The following NECAB2 variants were observed in gnomAD, a reference collection of about 807,000 sequenced individuals.
NECAB2 encodes the protein N-terminal EF-hand calcium-binding protein 2.
Under a neutral mutation model 51.9 loss-of-function variants are expected in NECAB2, and 68 were observed. The observed-to-expected ratio is 1.31, with a 90% CI of 1.08 to 1.60. The LOEUF (loss-of-function observed/expected upper bound fraction) is 1.60, where lower values mean the gene tolerates loss of function less well. Among genes scored for constraint, NECAB2 ranks in the 40% most tolerant of loss-of-function variants. The pLI is 0.00. For missense variants in NECAB2, 854 were observed against 490.3 expected, an observed-to-expected ratio of 1.74 and a Z score of -7.00; for synonymous variants, 329 against 203.5, an observed-to-expected ratio of 1.62 and a Z score of -5.25.
intron 5 of NECAB2, among the ~76,000 whole-genome samples, chr16:83,987,069 G>C (rs960785341): frequency 2.6e-5 from 4 of 152,088 alleles, no homozygotes; most frequent in African/African-American, 9.7e-5. Context: ...TCTGTCCTTG[G>C]CTTCCCTCCT....
At chr16:83,980,954 G>A (rs1303762135) in intron 4 of NECAB2, 76 bp from the exon 5 acceptor site, 14 of 1,605,468 alleles carry the variant, frequency 8.7e-6, no homozygotes, top group African/African-American at 5.4e-5. Flanking sequence ...TGGAGGTAGC[G>A]CAGGTGGGAG....
intron 6 of NECAB2, among the ~76,000 whole-genome samples, chr16:83,991,101 G>T (rs2084619179): frequency 6.6e-6 from 1 of 151,960 alleles, no homozygotes; most frequent in South Asian, 2.1e-4. Flanking sequence ...TCATGCCTCA[G>T]CCTCCTGAGT....
intron 2 of NECAB2, among the ~76,000 whole-genome samples, chr16:83,977,589 G>A (rs2084429037): frequency 6.6e-6 from 1 of 152,086 alleles, no homozygotes; most frequent in Non-Finnish European, 1.5e-5. Flanking sequence ...CCCCTCCACA[G>A]AGGAGCTGTG....
intron 8 of NECAB2, among the ~76,000 whole-genome samples, chr16:83,996,197 ATCC>A (rs1332291198): frequency 6.6e-6 from 1 of 152,180 alleles, no homozygotes; most frequent in Non-Finnish European, 1.5e-5. Context: ...GCCTCTCCTC[ATCC>A]TCCTATGGCT....
In NECAB2 at chr16:83,992,099, C is replaced by T. The variant is rs552660375; in HGVS notation, c.596+1469C>T. Among the ~76,000 whole-genome samples, 22 of 150,948 alleles carry T rather than the reference C, an allele frequency of 1.5e-4. No individual in the cohort carries two copies. In the South Asian group the frequency reaches 1.5e-3, roughly 10 times the overall value. On this transcript the variant is annotated intron_variant, in intron 6 of 12. Transcript: ENST00000305202. ...CAGCTTGAATCCTGAGGCTTGCCACCTCTCTGTTAAAAAGAGAGACTGGGG... is the reference window on the plus strand; with the variant it reads ...CAGCTTGAATCCTGAGGCTTGCCACTTCTCTGTTAAAAAGAGAGACTGGGG...
At chr16:83,986,124 C>G (rs549706499) in intron 5 of NECAB2, among the ~76,000 whole-genome samples, 5 of 152,266 alleles carry the variant, frequency 3.3e-5, no homozygotes, top group African/African-American at 9.6e-5. Context: ...TAAAGCGATT[C>G]TTCCACCTCA....
chr16:84,001,765 G>A (rs1341485021), intron 11 of NECAB2, 60 bp from the exon 12 acceptor site: 3 of 1,573,676 alleles, frequency 1.9e-6, no homozygotes, highest in Non-Finnish European at 2.6e-6. Flanking sequence ...ATTAACAGGG[G>A]AGCCACACGC....
At chr16:84,001,101 T>C (rs888769772) in intron 11 of NECAB2, among the ~76,000 whole-genome samples, 20 of 152,082 alleles carry the variant, frequency 1.3e-4, no homozygotes, top group African/African-American at 4.6e-4. Flanking sequence ...CACTGCCTTC[T>C]TTACCACCCT....
intron 6 of NECAB2, among the ~76,000 whole-genome samples, chr16:83,992,208 T>G (rs2084634528): frequency 1.0e-5 from 1 of 99,114 alleles, no homozygotes; most frequent in South Asian, 2.8e-4. Context: ...GAGGAGTGTT[T>G]CTTTCTGGTC....
intron 5 of NECAB2, among the ~76,000 whole-genome samples, chr16:83,983,107 G>C (rs962247916): frequency 3.3e-5 from 5 of 152,232 alleles, no homozygotes; most frequent in Non-Finnish European, 5.9e-5. Context: ...GACTTGAGGT[G>C]ATCCGCCCAC....
intron 11 of NECAB2, among the ~76,000 whole-genome samples, chr16:84,001,591 G>C (rs77788564): frequency 6.6e-5 from 10 of 152,208 alleles, no homozygotes; most frequent in Non-Finnish European, 7.4e-5. Flanking sequence ...TGCAATGAGT[G>C]GGGGGATCCC....
intron 10 of NECAB2, among the ~76,000 whole-genome samples, chr16:83,999,694 G>A (rs923751828): frequency 1.1e-4 from 17 of 152,046 alleles, no homozygotes; most frequent in Admixed American, 8.5e-4. Flanking sequence ...ACGTGAGTGC[G>A]GGCCCCTGGG....
At position 83,990,525 on chromosome 16, in the gene NECAB2, T is replaced by A. The variant is rs1567672932; in HGVS notation, c.491T>A (p.Phe164Tyr). 6.2e-7 allele frequency: 1 copy of A among 1,614,134 alleles called. No homozygotes were observed. Among genetic ancestry groups the A allele is most frequent in the South Asian group, 1.1e-5 (1 of 91,082 alleles). ...GAGGGTGGGAGCAACGTGGACCAGT[T>A]TGTGACCCGCTTCCTCCTGAAGGAG... Reference protein sequence around the residue: ...VYEGGSNVDQFVTRFLLKETA... With the variant: ...VYEGGSNVDQYVTRFLLKETA... Residue 164 changes from phenylalanine (F) to tyrosine (Y), a missense_variant, in exon 6 of 13, where the codon TTT becomes TAT. Physicochemically the swap from Phe to Tyr is conservative, Grantham distance 22. Transcript: ENST00000305202.
At chr16:83,990,461 T>A (rs1224471827) in intron 5 of NECAB2, 33 bp from the exon 6 acceptor site, 2 of 1,610,886 alleles carry the variant, frequency 1.2e-6, no homozygotes, top group Non-Finnish European at 1.7e-6. Context: ...TCCCACCCCT[T>A]TCCCCTCAGT....
chr16:83,999,372 A>C (rs1288238804), intron 10 of NECAB2, among the ~76,000 whole-genome samples: 1 of 152,168 alleles, frequency 6.6e-6, no homozygotes, highest in Non-Finnish European at 1.5e-5. Flanking sequence ...CTCCAGGGTG[A>C]AGTAGGGCCA....
chr16:83,988,756 G>T (rs1241935640), intron 5 of NECAB2, among the ~76,000 whole-genome samples: 1 of 152,140 alleles, frequency 6.6e-6, no homozygotes, highest in African/African-American at 2.4e-5. Context: ...CTTGTCCACT[G>T]GATGCAAAAT....
intron 8 of NECAB2, among the ~76,000 whole-genome samples, chr16:83,996,914 A>G (rs867737105): frequency 2.0e-5 from 3 of 152,266 alleles, no homozygotes; most frequent in South Asian, 2.1e-4. Flanking sequence ...GGGGTGAATT[A>G]TAAGTTACAG....
intron 9 of NECAB2, 66 bp downstream of exon 9, chr16:83,997,335 A>G: frequency 1.2e-6 from 2 of 1,602,646 alleles, no homozygotes; most frequent in Non-Finnish European, 8.5e-7. Context: ...GCCAAGATCC[A>G]AGTGGCTCAA....
intron 3 of NECAB2, 70 bp from the exon 4 acceptor site, chr16:83,980,769 G>C (rs2084476683): frequency 6.6e-7 from 1 of 1,524,532 alleles, no homozygotes; most frequent in East Asian, 2.5e-5. Flanking sequence ...TGTTTCGCAG[G>C]CTGTGCAGGG....
Sources: gnomAD v4.1 joint callset for allele counts (sites outside exome capture counted in the v4.1 genomes callset) on GRCh38, gnomAD v4.1.1 for gene constraint, MANE v1.5 for transcripts, NCBI Gene and HGNC (gene_info 2026-07-23, HGNC 2026-07-21) for gene names.